The following CORIN variants were observed in gnomAD, a reference collection of about 807,000 sequenced individuals.
The protein encoded by CORIN is corin, serine peptidase, also known as atrial natriuretic peptide-converting enzyme.
CORIN carries 117 observed loss-of-function variants against 125.3 expected under a neutral mutation model. The observed-to-expected ratio is 0.93, with a 90% CI of 0.80 to 1.09. The LOEUF is 1.09. Among genes scored for constraint, CORIN ranks in the 50% least tolerant of loss-of-function variants. The probability of loss-of-function intolerance (pLI) is 0.00; values close to 1 mark genes in which losing one functional copy is unlikely to be tolerated. For missense variants in CORIN, 1,253 were observed against 1,306.7 expected (o/e 0.96, Z 0.63); for synonymous variants, 450 against 466.4 (o/e 0.96, Z 0.45).
intron 13 of CORIN, among the ~76,000 whole-genome samples, chr4:47,648,062 A>AT (rs1159996132): frequency 9.9e-5 from 15 of 152,228 alleles, no homozygotes; most frequent in African/African-American, 3.6e-4. Flanking sequence ...AAGAAGTAGG[A>AT]TAAAAAGAGA....
chr4:47,805,333 C>A (rs1731746369), intron 2 of CORIN, among the ~76,000 whole-genome samples: 1 of 151,962 alleles, frequency 6.6e-6, no homozygotes, highest in South Asian at 2.1e-4. Context: ...TATACACCCA[C>A]TATGTACCCA....
intron 2 of CORIN, among the ~76,000 whole-genome samples, chr4:47,791,644 T>G (rs931025917): frequency 2.0e-5 from 3 of 152,208 alleles, no homozygotes; most frequent in African/African-American, 7.2e-5. Context: ...AGATTTGAGT[T>G]GGGACATGGC....
intron 3 of CORIN, among the ~76,000 whole-genome samples, chr4:47,769,245 T>A (rs1729906609): frequency 2.0e-5 from 3 of 151,694 alleles, no homozygotes; most frequent in Admixed American, 2.0e-4. Context: ...AACAACAAAC[T>A]GTACAAAAAA....
At chr4:47,811,506 A>T (rs1382748432) in intron 1 of CORIN, among the ~76,000 whole-genome samples, 1 of 152,194 alleles carries the variant, frequency 6.6e-6, no homozygotes, top group Non-Finnish European at 1.5e-5. Context: ...AATGGCAGAC[A>T]ATATTTGAGA....
chr4:47,660,965 G>A (rs1724222611), intron 12 of CORIN, among the ~76,000 whole-genome samples: 1 of 152,130 alleles, frequency 6.6e-6, no homozygotes, highest in Admixed American at 6.5e-5. Flanking sequence ...AGAAAATGTG[G>A]TACATATATG....
At chr4:47,706,844 C>A (rs1330726111) in intron 5 of CORIN, 2 of 1,598,368 alleles carry the variant, frequency 1.3e-6, no homozygotes, top group Non-Finnish European at 1.7e-6. Flanking sequence ...AGTCCACAAG[C>A]ACAGGGAGAT....
intron 1 of CORIN, among the ~76,000 whole-genome samples, chr4:47,809,746 ATAGG>A (rs951710774): frequency 1.3e-5 from 2 of 152,164 alleles, no homozygotes; most frequent in Admixed American, 1.3e-4. Flanking sequence ...GGAGGAAGAA[ATAGG>A]TAGGAGAAAT....
chr4:47,810,369 G>A (rs2109958435), intron 1 of CORIN, among the ~76,000 whole-genome samples: 1 of 152,106 alleles, frequency 6.6e-6, no homozygotes, highest in South Asian at 2.1e-4. Context: ...TTTTTTTGTA[G>A]AGACAGGATT....
At chr4:47,789,225 A>G (rs371848360) in intron 2 of CORIN, among the ~76,000 whole-genome samples, 12 of 152,076 alleles carry the variant, frequency 7.9e-5, no homozygotes, top group Admixed American at 2.6e-4. Flanking sequence ...AATTGTTTGA[A>G]CCCGGCAGGC....
intron 16 of CORIN, among the ~76,000 whole-genome samples, chr4:47,640,712 T>TA (rs1322792685): frequency 2.0e-5 from 3 of 152,202 alleles, no homozygotes; most frequent in Non-Finnish European, 2.9e-5. Context: ...GAAGCATATT[T>TA]AAAAACAGGA....
At chr4:47,803,809 G>A (rs928796467) in intron 2 of CORIN, among the ~76,000 whole-genome samples, 1 of 152,144 alleles carries the variant, frequency 6.6e-6, no homozygotes. Context: ...AATTTCTTGA[G>A]TCATACCACA....
Position 47,837,773 on chromosome 4 carries a change from G to T in CORIN, c.63+114C>A, listed in dbSNP as rs1312136893. 3 of 927,878 alleles carry T rather than the reference G, an allele frequency of 3.2e-6. No individual in the cohort carries two copies. In the East Asian group the frequency reaches 7.2e-5, roughly 22 times the overall value. The allele number at this position is 927,878 out of a possible 1,614,324, so 57.5% of individuals were successfully genotyped here. A position where few individuals can be genotyped will look rare whatever the true frequency, so the allele number is the denominator to read the frequency against. The stretch of plus-strand genomic sequence containing the variant: ...GGGAGCTCACCGGCGGCTGGGGAAG[G>T]AGGTGGCATCGGGCGGAGGAGAGGA... On this transcript the variant is annotated intron_variant, in intron 1 of 21. Coordinates refer to ENST00000273857, the MANE Select transcript of CORIN (RefSeq NM_006587.4).
chr4:47,691,970 T>C (rs893130107), intron 6 of CORIN, among the ~76,000 whole-genome samples: 1 of 152,072 alleles, frequency 6.6e-6, no homozygotes, highest in African/African-American at 2.4e-5. Context: ...TCTTGGCAAT[T>C]CCCATGAGGA....
rs775671725 is a variant in CORIN, at chr4:47,643,126, G to C, written c.2068+20C>G. On this transcript the variant is annotated intron_variant, in intron 15 of 21. Transcript: ENST00000273857. ...ACAGGCATGAGAGAGTACAACAGATGGCAGAAACAAGTAGCTCACCACAGT... is the reference window on the plus strand; with the variant it reads ...ACAGGCATGAGAGAGTACAACAGATCGCAGAAACAAGTAGCTCACCACAGT... 44 of 1,613,856 alleles carry C rather than the reference G, an allele frequency of 2.7e-5. No homozygotes were observed. Among genetic ancestry groups the C allele is most frequent in the Non-Finnish European group, 3.5e-5 (41 of 1,179,982 alleles).
intron 3 of CORIN, among the ~76,000 whole-genome samples, chr4:47,771,253 G>C (rs975430757): frequency 1.6e-4 from 24 of 151,984 alleles, no homozygotes; most frequent in Non-Finnish European, 3.2e-4. Context: ...CAGCAGAGTG[G>C]AATAATGAAG....
intron 4 of CORIN, among the ~76,000 whole-genome samples, chr4:47,761,480 T>TAC (rs142904418): frequency 0.22 from 31,580 of 144,354 alleles, 3,705 homozygotes; most frequent in East Asian, 0.33. Context: ...GAAAATGTGA[T>TAC]ACACACACAC....
At chr4:47,797,561 T>G (rs919934640) in intron 2 of CORIN, among the ~76,000 whole-genome samples, 1 of 152,088 alleles carries the variant, frequency 6.6e-6, no homozygotes, top group East Asian at 1.9e-4. Context: ...TATGGGGTTA[T>G]GGATCATGGG....
chr4:47,790,266 T>A lies in CORIN; in HGVS notation c.209-3341A>T, dbSNP rs141443602. 1.2e-3 allele frequency: 1,124 copies of A among 931,428 alleles called. 55 individuals are homozygous for A. The East Asian group carries it at 0.093, about 77-fold the overall frequency. 57.7% of individuals were successfully genotyped at this position (931,428 alleles called of 1,614,324 possible). ...GGTGAGACAGCCAAGTAAAAATGGCTCCCCGGCAGAACCCCCGACTGGCCT... is the reference window on the plus strand; with the variant it reads ...GGTGAGACAGCCAAGTAAAAATGGCACCCCGGCAGAACCCCCGACTGGCCT... On this transcript the variant is annotated intron_variant, in intron 2 of 21. Transcript: ENST00000273857.
intron 5 of CORIN, among the ~76,000 whole-genome samples, chr4:47,730,446 C>G (rs1401464759): frequency 7.0e-6 from 1 of 143,020 alleles, no homozygotes; most frequent in African/African-American, 2.6e-5. Flanking sequence ...GCACTCCAGC[C>G]TGGGCGACAG....
Sources: gnomAD v4.1 joint callset for allele counts (sites outside exome capture counted in the v4.1 genomes callset) on GRCh38, gnomAD v4.1.1 for gene constraint, MANE v1.5 for transcripts, NCBI Gene and HGNC (gene_info 2026-07-23, HGNC 2026-07-21) for gene names.